Variants in POF1B observed in about 807,000 individuals in gnomAD.
The protein encoded by POF1B is protein POF1B.
In POF1B, 53 loss-of-function variants were observed where a neutral mutation model predicts 55.3. That is an observed-to-expected ratio of 0.96 (90% CI 0.77 to 1.20). The LOEUF is 1.20. Ranked by LOEUF, POF1B falls within the 50% of genes most tolerant of loss-of-function variation. POF1B has a pLI of 0.00. For synonymous variants in POF1B, 188 were observed against 148.3 expected (o/e 1.27, Z -1.95); for missense variants, 478 against 420.5 (o/e 1.14, Z -1.20).
At chrX:85,360,404 T>A (rs1186072840) in intron 3 of POF1B, among the ~76,000 whole-genome samples, 1 of 104,991 alleles carries the variant, frequency 9.5e-6, no homozygotes, top group Non-Finnish European at 1.9e-5. Context: ...AGTGAGAACA[T>A]GCGGTATTTG....
At chrX:85,373,164 T>C (rs1933862735) in intron 2 of POF1B, among the ~76,000 whole-genome samples, 1 of 111,376 alleles carries the variant, frequency 9.0e-6, no homozygotes, top group African/African-American at 3.3e-5. Flanking sequence ...TTTGTTGAAA[T>C]AAAAAATGTG....
At chrX:85,376,477 T>C (rs1933923242) in intron 2 of POF1B, among the ~76,000 whole-genome samples, 1 of 111,831 alleles carries the variant, frequency 8.9e-6, no homozygotes, top group Admixed American at 9.6e-5. Flanking sequence ...ACTATACGTG[T>C]TCATGCAGAT....
intron 15 of POF1B, among the ~76,000 whole-genome samples, chrX:85,295,086 A>T (rs763657039): frequency 2.7e-5 from 3 of 111,070 alleles, no homozygotes; most frequent in Non-Finnish European, 5.7e-5. Flanking sequence ...TTTATTTCTG[A>T]TTATGCTTAG....
At position 85,304,295 on chromosome X, in the gene POF1B, G is replaced by A. The variant is rs150743282; in HGVS notation, c.1566+48C>T. On this transcript the variant is annotated intron_variant, in intron 14 of 16. Coordinates refer to ENST00000262753, the MANE Select transcript of POF1B (RefSeq NM_024921.4). ...GAAGTATTTATCCTACAGTACTACA[G>A]TACTAAGTTGTATTACTTTTCTCCA... 1.5e-3 allele frequency: 1,584 copies of A among 1,085,931 alleles called. 21 individuals carry two copies. The African/African-American group carries it at 0.027, about 19-fold the overall frequency. The allele number at this position is 1,085,931 out of a possible 1,213,427, so 89.5% of individuals were successfully genotyped here.
intron 5 of POF1B, among the ~76,000 whole-genome samples, chrX:85,346,263 A>G (rs1933269733): frequency 9.1e-6 from 1 of 110,043 alleles, no homozygotes; most frequent in Admixed American, 9.8e-5. Flanking sequence ...CCATCCGAAT[A>G]CTTATGTAGA....
chrX:85,322,888 C>A (rs1049737575), intron 7 of POF1B, among the ~76,000 whole-genome samples: 8 of 111,100 alleles, frequency 7.2e-5, no homozygotes, highest in African/African-American at 2.6e-4. Context: ...ATCAAAACCA[C>A]AATGAGATAC....
chrX:85,360,785 T>C (rs1269336134), intron 3 of POF1B, among the ~76,000 whole-genome samples: 1 of 108,732 alleles, frequency 9.2e-6, no homozygotes, highest in African/African-American at 3.4e-5. Context: ...CTTTGAGGAA[T>C]TGCCACACTG....
intron 15 of POF1B, among the ~76,000 whole-genome samples, chrX:85,288,828 C>G (rs1167704931): frequency 8.9e-6 from 1 of 111,819 alleles, no homozygotes; most frequent in African/African-American, 3.3e-5. Flanking sequence ...CTATGTGGAA[C>G]TGTTAAGTTC....
chrX:85,305,671 A>G (rs1424959720), intron 13 of POF1B, 120 bp downstream of exon 13: 5 of 732,908 alleles, frequency 6.8e-6, no homozygotes, highest in African/African-American at 6.5e-5. Context: ...AATACATGAC[A>G]TATTTCTAAA....
At chrX:85,328,374 T>A (rs1287241552) in intron 7 of POF1B, among the ~76,000 whole-genome samples, 1 of 109,016 alleles carries the variant, frequency 9.2e-6, no homozygotes, top group Admixed American at 9.9e-5. Context: ...CCGGCTAATT[T>A]TTTGTATTTT....
intron 5 of POF1B, among the ~76,000 whole-genome samples, chrX:85,347,393 G>A (rs769003258): frequency 9.0e-6 from 1 of 111,078 alleles, no homozygotes; most frequent in South Asian, 3.7e-4. Flanking sequence ...ACAAAAGAAT[G>A]AAATAGTATA....
chrX:85,347,054 CT>C (rs754487401), intron 5 of POF1B, among the ~76,000 whole-genome samples: 1 of 110,673 alleles, frequency 9.0e-6, no homozygotes, highest in Non-Finnish European at 1.9e-5. Context: ...TTTGTCATGG[CT>C]TTTTTCTGGT....
intron 16 of POF1B, among the ~76,000 whole-genome samples, chrX:85,279,780 A>T (rs73627349): frequency 0.019 from 2,137 of 111,069 alleles, 47 homozygotes; most frequent in African/African-American, 0.066. Flanking sequence ...GTATCTATAG[A>T]TTCTTCAAAT....
At chrX:85,340,547 C>G (rs1382411406) in intron 6 of POF1B, among the ~76,000 whole-genome samples, 1 of 111,133 alleles carries the variant, frequency 9.0e-6, no homozygotes, top group Non-Finnish European at 1.9e-5. Context: ...TGGCTGAAAG[C>G]TATGTGAACT....
rs779021978 is a variant in POF1B at position 85,308,243 on chromosome X, AGTTTT to A, written c.958-32_958-28del. 9 of 1,001,785 alleles carry A rather than the reference AGTTTT, an allele frequency of 9.0e-6. No individual in the cohort carries two copies. The South Asian group carries it at 2.4e-4, about 27-fold the overall frequency. The allele number at this position is 1,001,785 out of a possible 1,213,427, so 82.6% of individuals were successfully genotyped here. On this transcript the variant is annotated intron_variant, in intron 9 of 16. Coordinates refer to ENST00000262753, the MANE Select transcript of POF1B (RefSeq NM_024921.4). ...TGCAGGAAGAAAGGATTAATGGTTT[AGTTTT>A]ATTAACATTTGAAAATAGGCAATAT...
rs767766129 is a variant in POF1B at position 85,366,774 on chromosome X, C to T, written c.357+918G>A. ...TGATTGTGTCTAATTTACCTTTGTG[C>T]AATATGTGGCACATACTTGGTGTTC... On this transcript the variant is annotated intron_variant, in intron 3 of 16. Transcript: ENST00000262753. Among the ~76,000 whole-genome samples, 3 of 111,650 alleles carry T rather than the reference C, an allele frequency of 2.7e-5. No homozygotes were observed. The East Asian group carries it at 8.5e-4, about 32-fold the overall frequency.
In POF1B at chrX:85,355,591, A is replaced by G. The variant is rs1390529695; in HGVS notation, c.438+3959T>C. Among the ~76,000 whole-genome samples the G allele has an allele frequency of 3.6e-5, 4 of 111,700 alleles. No homozygotes were observed. In the East Asian group the frequency reaches 8.5e-4, roughly 24 times the overall value. ...AAGGGCTAATATCCAGAATCTACAAAGAACTCAAACAAATTTACAAGAAAA... is the reference window on the plus strand; with the variant it reads ...AAGGGCTAATATCCAGAATCTACAAGGAACTCAAACAAATTTACAAGAAAA... On this transcript the variant is annotated intron_variant, in intron 4 of 16. Coordinates refer to ENST00000262753, the MANE Select transcript of POF1B (RefSeq NM_024921.4).
intron 3 of POF1B, among the ~76,000 whole-genome samples, chrX:85,361,924 C>A (rs1279219967): frequency 1.8e-5 from 2 of 108,432 alleles, no homozygotes; most frequent in Non-Finnish European, 3.8e-5. Context: ...AGATCTTTCA[C>A]CTCACTAGTT....
At chrX:85,359,679 C>T in intron 3 of POF1B, 49 bp from the exon 4 acceptor site, 2 of 896,643 alleles carry the variant, frequency 2.2e-6, no homozygotes, top group East Asian at 3.2e-5. Context: ...ATTTAATGAG[C>T]TTGGAGCTAT....
Sources: allele counts gnomAD v4.1 joint callset (sites outside exome capture counted in the v4.1 genomes callset), GRCh38; gene constraint gnomAD v4.1.1; transcripts MANE v1.5; gene names NCBI Gene and HGNC (gene_info 2026-07-23, HGNC 2026-07-21).